ZNF385D: variants seen among roughly 807,000 people sequenced by gnomAD.
The protein encoded by ZNF385D is zinc finger protein 659.
In ZNF385D, 15 loss-of-function variants were observed where a neutral mutation model predicts 35.8. The observed-to-expected ratio is 0.42, with a 90% CI of 0.28 to 0.64. ZNF385D has a LOEUF of 0.64. ZNF385D is among the 30% of genes least tolerant of loss of function. The probability of loss-of-function intolerance (pLI) is 0.23; values close to 1 mark genes in which losing one functional copy is unlikely to be tolerated. For missense variants in ZNF385D, 474 were observed against 494.6 expected (o/e 0.96, Z 0.39); for synonymous variants, 212 against 186.8 (o/e 1.13, Z -1.10).
chr3:21,896,625 G>A (rs2125890708), intron 3 of ZNF385D, among the ~76,000 whole-genome samples: 1 of 152,164 alleles, frequency 6.6e-6, no homozygotes, highest in African/African-American at 2.4e-5. Context: ...CTTGATTGTG[G>A]TACAAATTGT....
Position 21,557,335 on chromosome 3 carries a change from T to G in ZNF385D, c.276+7239A>C, listed in dbSNP as rs558363972. On this transcript the variant is annotated intron_variant, in intron 3 of 7. Coordinates refer to ENST00000281523, the MANE Select transcript of ZNF385D (RefSeq NM_024697.3). ...TAGCTCTTATTATTTCAAGGTAGGT[T>G]CCGTCAATACCTAATTTATTGAGAG... Among the ~76,000 whole-genome samples the G allele has an allele frequency of 2.0e-5, 3 of 152,260 alleles. No individual in the cohort carries two copies. The South Asian group carries it at 6.2e-4, about 32-fold the overall frequency.
chr3:21,459,984 C>T (rs1703063911), intron 4 of ZNF385D, among the ~76,000 whole-genome samples: 2 of 152,170 alleles, frequency 1.3e-5, no homozygotes, highest in Non-Finnish European at 2.9e-5. Context: ...CCACAACCAT[C>T]AGCCCATGTC....
chr3:21,675,113 G>C (rs1446766615), intron 1 of ZNF385D, among the ~76,000 whole-genome samples: 3 of 152,056 alleles, frequency 2.0e-5, no homozygotes, highest in African/African-American at 7.2e-5. Context: ...TAAACTATCA[G>C]AGTTTATTGG....
chr3:21,459,611 C>T (rs1420734822), intron 4 of ZNF385D, among the ~76,000 whole-genome samples: 3 of 152,118 alleles, frequency 2.0e-5, no homozygotes, highest in African/African-American at 7.2e-5. Context: ...CATGCTCTAC[C>T]CTCAATCAGT....
At position 22,256,740 on chromosome 3, in the gene ZNF385D, T is replaced by C. The variant is rs910941571; in HGVS notation, c.107-87705A>G. 2.0e-5 allele frequency among the ~76,000 whole-genome samples: 3 copies of C among 151,946 alleles called. No individual in the cohort carries two copies. The South Asian group carries it at 6.2e-4, about 31-fold the overall frequency. ...GGTGCCATCTTTATTATATATGTAC[T>C]CATTCTACTAATATATTAATGACTG... On this transcript the variant is annotated intron_variant, in intron 2 of 5. Transcript: ENST00000494108.
intron 2 of ZNF385D, among the ~76,000 whole-genome samples, chr3:22,313,473 AT>A (rs1703701814): frequency 1.3e-5 from 2 of 152,206 alleles, no homozygotes; most frequent in Non-Finnish European, 2.9e-5. Context: ...AAATTAAATT[AT>A]GAATAAATTT....
At chr3:21,852,377 C>T (rs187514298) in intron 3 of ZNF385D, among the ~76,000 whole-genome samples, 46 of 151,968 alleles carry the variant, frequency 3.0e-4, no homozygotes, top group Admixed American at 7.9e-4. Context: ...CAACACTAAT[C>T]CTAGGTCTTA....
chr3:21,837,927 T>C (rs1014138288), intron 3 of ZNF385D, among the ~76,000 whole-genome samples: 3 of 151,636 alleles, frequency 2.0e-5, no homozygotes, highest in African/African-American at 4.8e-5. Flanking sequence ...TAAAATAATA[T>C]TGCAAATGAC....
intron 2 of ZNF385D, among the ~76,000 whole-genome samples, chr3:22,294,964 T>A (rs1387055729): frequency 6.6e-6 from 1 of 152,108 alleles, no homozygotes; most frequent in Non-Finnish European, 1.5e-5. Context: ...GGTATAACTA[T>A]CTATCTCTGT....
At chr3:22,049,409 T>A (rs1699208934) in intron 3 of ZNF385D, among the ~76,000 whole-genome samples, 1 of 152,060 alleles carries the variant, frequency 6.6e-6, no homozygotes, top group Admixed American at 6.6e-5. Flanking sequence ...TCTAATAGGG[T>A]GTTCTTTTTT....
intron 3 of ZNF385D, among the ~76,000 whole-genome samples, chr3:21,545,488 A>G (rs1356456621): frequency 6.6e-6 from 1 of 152,216 alleles, no homozygotes; most frequent in Non-Finnish European, 1.5e-5. Context: ...TTTTTAATAA[A>G]TAAGGTATAC....
chr3:21,910,332 G>C (rs1294560561), intron 3 of ZNF385D, among the ~76,000 whole-genome samples: 2 of 151,910 alleles, frequency 1.3e-5, no homozygotes, highest in African/African-American at 4.8e-5. Flanking sequence ...ATAGAGGGGA[G>C]GCAGTTGCTC....
chr3:22,333,791 G>GCAGA (rs1176530413), intron 2 of ZNF385D, among the ~76,000 whole-genome samples: 25 of 152,164 alleles, frequency 1.6e-4, no homozygotes, highest in African/African-American at 5.1e-4. Flanking sequence ...CTGAGTTGGT[G>GCAGA]CAGACACCCA....
At chr3:22,175,686 T>A (rs1250964317) in intron 2 of ZNF385D, among the ~76,000 whole-genome samples, 1 of 151,776 alleles carries the variant, frequency 6.6e-6, no homozygotes, top group East Asian at 1.9e-4. Context: ...CATTTCCTTG[T>A]ATTAGGATTT....
At chr3:22,345,333 T>C (rs1022509162) in intron 2 of ZNF385D, among the ~76,000 whole-genome samples, 7 of 152,158 alleles carry the variant, frequency 4.6e-5, no homozygotes, top group Admixed American at 1.3e-4. Flanking sequence ...GTTTGACACT[T>C]CAAAAATAAA....
intron 3 of ZNF385D, among the ~76,000 whole-genome samples, chr3:22,014,801 C>G (rs1696782951): frequency 6.6e-6 from 1 of 151,750 alleles, no homozygotes; most frequent in Admixed American, 6.6e-5. Context: ...TCAAAATGCA[C>G]AATACAATAA....
chr3:21,788,242 G>C (rs2071783683), intron 3 of ZNF385D, among the ~76,000 whole-genome samples: 3 of 152,250 alleles, frequency 2.0e-5, no homozygotes, highest in Admixed American at 1.3e-4. Flanking sequence ...ACTTCGGGAG[G>C]CCGAGGTGAG....
intron 2 of ZNF385D, among the ~76,000 whole-genome samples, chr3:22,171,451 G>A (rs6782722): frequency 0.48 from 73,159 of 151,946 alleles, 17,877 homozygotes; most frequent in Middle Eastern, 0.61. Flanking sequence ...ATATTATCAG[G>A]CAATGTCAAC....
chr3:21,757,008 T>C (rs919919648), intron 3 of ZNF385D, among the ~76,000 whole-genome samples: 4 of 152,054 alleles, frequency 2.6e-5, no homozygotes, highest in African/African-American at 4.8e-5. Context: ...TGAAAATTAA[T>C]TGCCTACAAG....
Sources: allele counts gnomAD v4.1 joint callset (sites outside exome capture counted in the v4.1 genomes callset), GRCh38; gene constraint gnomAD v4.1.1; transcripts MANE v1.5; gene names NCBI Gene and HGNC (gene_info 2026-07-23, HGNC 2026-07-21).